PDCD6IP: variants seen among roughly 807,000 people sequenced by gnomAD.
PDCD6IP encodes programmed cell death 6-interacting protein.
A neutral mutation model predicts 103.7 loss-of-function variants in PDCD6IP; 43 were observed. The ratio of observed to expected loss-of-function variants is 0.41; its 90% CI spans 0.32 to 0.53. PDCD6IP has a LOEUF of 0.53. Ranked by LOEUF, PDCD6IP falls within the 20% of genes least tolerant of loss-of-function variation. The probability of loss-of-function intolerance (pLI) is 0.16; values close to 1 mark genes in which losing one functional copy is unlikely to be tolerated. For synonymous variants in PDCD6IP, 354 were observed against 378.7 expected, an observed-to-expected ratio of 0.93 and a Z score of 0.76; for missense variants, 871 against 1,036.7, an observed-to-expected ratio of 0.84 and a Z score of 2.20.
intron 15 of PDCD6IP, among the ~76,000 whole-genome samples, chr3:33,860,829 G>A (rs1178687800): frequency 6.6e-6 from 1 of 152,064 alleles, no homozygotes; most frequent in Non-Finnish European, 1.5e-5. Context: ...TATAAATAGT[G>A]CTGGCATGAA....
intron 15 of PDCD6IP, among the ~76,000 whole-genome samples, chr3:33,861,637 T>C (rs1697958419): frequency 6.6e-6 from 1 of 152,234 alleles, no homozygotes; most frequent in African/African-American, 2.4e-5. Context: ...CAAATAGTTT[T>C]CCAACGTGAT....
chr3:33,812,763 GA>G (rs1191864829), intron 2 of PDCD6IP, among the ~76,000 whole-genome samples: 1 of 151,996 alleles, frequency 6.6e-6, no homozygotes, highest in Admixed American at 6.6e-5. Flanking sequence ...TATATTCCTG[GA>G]AAAAAAGTGT....
At chr3:33,862,201 TATTTA>T (rs1301782872) in intron 15 of PDCD6IP, among the ~76,000 whole-genome samples, 1 of 151,860 alleles carries the variant, frequency 6.6e-6, no homozygotes. Flanking sequence ...ATTAAAAACT[TATTTA>T]TTTTATAAGC....
chr3:33,841,040 T>TG (rs1553708503), intron 9 of PDCD6IP, among the ~76,000 whole-genome samples: 1 of 150,384 alleles, frequency 6.6e-6, no homozygotes, highest in African/African-American at 2.5e-5. Context: ...TTTTTTTTTT[T>TG]CCCCCGAGAC....
At chr3:33,806,075 T>C (rs1696590931) in intron 1 of PDCD6IP, among the ~76,000 whole-genome samples, 1 of 152,128 alleles carries the variant, frequency 6.6e-6, no homozygotes, top group African/African-American at 2.4e-5. Context: ...GAATTTGTCC[T>C]GTACCTATTT....
chr3:33,825,511 C>A (rs1475505222), intron 5 of PDCD6IP, among the ~76,000 whole-genome samples, 171 bp downstream of exon 5: 1 of 152,300 alleles, frequency 6.6e-6, no homozygotes, highest in Middle Eastern at 3.4e-3. Flanking sequence ...CACAAATTTA[C>A]ATTTAAGAAT....
At chr3:33,831,715 TC>T (rs766481800) in intron 7 of PDCD6IP, among the ~76,000 whole-genome samples, 14 of 152,060 alleles carry the variant, frequency 9.2e-5, no homozygotes, top group Admixed American at 2.0e-4. Context: ...TCCATTAATT[TC>T]TTGTTTTTTT....
intron 1 of PDCD6IP, among the ~76,000 whole-genome samples, chr3:33,802,114 G>A (rs1696487836): frequency 6.6e-6 from 1 of 152,086 alleles, no homozygotes; most frequent in Admixed American, 6.5e-5. Flanking sequence ...GAGTTAATTG[G>A]GGCTCAGATT....
chr3:33,820,380 C>T (rs1275980533), intron 3 of PDCD6IP, among the ~76,000 whole-genome samples: 2 of 152,126 alleles, frequency 1.3e-5, no homozygotes, highest in East Asian at 3.8e-4. Context: ...GTAGGTACCT[C>T]ATACAAGTAG....
chr3:33,806,864 T>C lies in PDCD6IP; in HGVS notation c.210-5208T>C, dbSNP rs1255766774. Among the ~76,000 whole-genome samples the C allele has an allele frequency of 5.3e-5, 8 of 152,374 alleles. No homozygotes were observed. The East Asian group carries it at 1.5e-3, about 29-fold the overall frequency. On this transcript the variant is annotated intron_variant, in intron 1 of 17. Transcript: ENST00000307296. ...CTCCTGGAACAGATTTTGCTCATGGTAACTGCAGTTAGCAATGGCTGCTTT... is the reference window on the plus strand; with the variant it reads ...CTCCTGGAACAGATTTTGCTCATGGCAACTGCAGTTAGCAATGGCTGCTTT...
intron 1 of PDCD6IP, 93 bp downstream of exon 1, chr3:33,799,030 G>T: frequency 8.2e-7 from 1 of 1,214,918 alleles, no homozygotes; most frequent in Non-Finnish European, 1.1e-6. Context: ...CCTGTAACCT[G>T]GGCGGAGCCG....
At chr3:33,814,834 T>C (rs1337488697) in intron 3 of PDCD6IP, among the ~76,000 whole-genome samples, 1 of 128,242 alleles carries the variant, frequency 7.8e-6, no homozygotes, top group Non-Finnish European at 1.6e-5. Flanking sequence ...ATATGTATAC[T>C]ATATGCATGT....
In PDCD6IP at chr3:33,828,891, G is replaced by T. The variant is rs758560331; in HGVS notation, c.756G>T (p.Met252Ile). 6 of 1,612,392 alleles carry T rather than the reference G, an allele frequency of 3.7e-6. No homozygotes were observed. The East Asian group carries it at 1.3e-4, about 36-fold the overall frequency. ...FPVLAAKHCIMQANAEYHQSI... is the reference protein window; with the variant it reads ...FPVLAAKHCIIQANAEYHQSI... ...TCTTGGCTGCAAAGCACTGTATCAT[G>T]CAGGCCAATGCTGAGTACCATCAGT... Residue 252 changes from methionine (M) to isoleucine (I), a missense_variant, in exon 7 of 18, where the codon ATG (methionine) becomes ATT (isoleucine). Met to Ile is a conservative substitution (Grantham distance 10, BLOSUM62 1). This residue lies in a region of PDCD6IP where 242 missense variants were observed against 250.7 expected (regional missense o/e 0.97). Coordinates refer to ENST00000307296, the MANE Select transcript of PDCD6IP (RefSeq NM_013374.6).
In PDCD6IP at chr3:33,865,445, T is replaced by C; in HGVS notation, c.2432+15T>C. 2 of 1,567,954 alleles carry C rather than the reference T, an allele frequency of 1.3e-6. No homozygotes were observed. The highest frequency in any genetic ancestry group is 8.6e-7 in the Non-Finnish European group (1 of 1,161,860). On this transcript the variant is annotated intron_variant, in intron 17 of 17. Transcript: ENST00000307296. ...GGATATCCTGGGTAAGGCTGCAACA[T>C]TGTGTATCCCAAGTTGGCTAATGTT...
In PDCD6IP at chr3:33,859,595, C is replaced by T. The variant is rs560183111; in HGVS notation, c.2120+4335C>T. Among the ~76,000 whole-genome samples the T allele has an allele frequency of 3.3e-5, 5 of 152,200 alleles. No individual in the cohort carries two copies. The South Asian group carries it at 6.2e-4, about 19-fold the overall frequency. ...AAATAAATGAAAAAAAATGAATACC[C>T]TCATTCATTATAAAATACAAATTAA... is the stretch of plus-strand genomic sequence containing the variant. On this transcript the variant is annotated intron_variant, in intron 15 of 17. Coordinates refer to ENST00000307296, the MANE Select transcript of PDCD6IP (RefSeq NM_013374.6).
At position 33,869,640 on chromosome 3, in the gene PDCD6IP, C is replaced by G. The variant is rs1698143868; in HGVS notation, c.*3115C>G. On this transcript the variant is annotated 3_prime_UTR_variant, in exon 18 of 18. Coordinates refer to ENST00000307296, the MANE Select transcript of PDCD6IP (RefSeq NM_013374.6). ...TTGTATTCATTTATCTTAGGGGGAA[C>G]ATTGTAAAGAAACAAAAAGGTCCAG... is the stretch of plus-strand genomic sequence containing the variant. 6.6e-6 allele frequency: 1 copy of G among 151,968 alleles called. No homozygotes were observed. The highest frequency in any genetic ancestry group is 6.6e-5 in the Admixed American group (1 of 15,262). The allele number at this position is 151,968 out of a possible 1,614,324, so 9.4% of individuals were successfully genotyped here.
chr3:33,852,159 A>G (rs1256672685), intron 12 of PDCD6IP, among the ~76,000 whole-genome samples: 1 of 152,216 alleles, frequency 6.6e-6, no homozygotes, highest in Non-Finnish European at 1.5e-5. Flanking sequence ...TATCTTTGGA[A>G]TAGAGGTCAT....
intron 15 of PDCD6IP, 131 bp downstream of exon 15, chr3:33,855,391 G>C: frequency 1.8e-6 from 1 of 561,550 alleles, no homozygotes; most frequent in South Asian, 2.4e-5. Flanking sequence ...GAACTAGATA[G>C]AGTATTTTAC....
chr3:33,855,157 T>G lies in PDCD6IP; in HGVS notation c.2026-9T>G. ...TTGTTCCTTACTTGTATTTGTTCTT[T>G]GCTTATAGTTTTACAATGAGTTGAC... is the stretch of plus-strand genomic sequence containing the variant. On this transcript the variant is annotated splice_polypyrimidine_tract_variant and intron_variant, in intron 14 of 17. Transcript: ENST00000307296. The G allele has an allele frequency of 6.4e-7, 1 of 1,564,590 alleles. No individual in the cohort carries two copies. The highest frequency in any genetic ancestry group is 1.1e-5 in the South Asian group (1 of 89,666).
Sources: gnomAD v4.1 joint callset for allele counts (sites outside exome capture counted in the v4.1 genomes callset) on GRCh38, gnomAD v4.1.1 for gene constraint, gnomAD v4.1.1 regional missense constraint, MANE v1.5 for transcripts, NCBI Gene and HGNC (gene_info 2026-07-23, HGNC 2026-07-21) for gene names.